The following MARCHF7 variants were observed in gnomAD, a reference collection of about 807,000 sequenced individuals.
MARCHF7 encodes membrane associated ring-CH-type finger 7.
Under a neutral mutation model 76.5 loss-of-function variants are expected in MARCHF7, and 20 were observed. The ratio of observed to expected loss-of-function variants is 0.26; its 90% confidence interval spans 0.18 to 0.38. MARCHF7 has a LOEUF of 0.38. Ranked by LOEUF, MARCHF7 falls within the 10% of genes least tolerant of loss-of-function variation. The pLI is 1.00. For synonymous variants in MARCHF7, 295 were observed against 293.0 expected, an observed-to-expected ratio of 1.01 and a Z score of -0.07; for missense variants, 797 against 812.9, an observed-to-expected ratio of 0.98 and a Z score of 0.24.
Position 159,748,145 on chromosome 2 carries a change from C to T in MARCHF7, c.855C>T (p.Arg285=). ...GRRTTRRLLS[R]IASSMSSTFF... is the part of the protein sequence containing the mutation. ...GGACAACGAGGAGATTGCTGTCACG[C>T]ATAGCTTCTAGCATGTCATCTACTT... is the stretch of plus-strand genomic sequence containing the variant. The change falls in exon 7 of 12, where the codon CGC becomes CGT. Residue 285 remains arginine, a synonymous_variant. Transcript: ENST00000409175. 6.2e-7 allele frequency: 1 copy of T among 1,613,780 alleles called. No homozygotes were observed. The highest frequency in any genetic ancestry group is 8.5e-7 in the Non-Finnish European group (1 of 1,179,896).
intron 3 of MARCHF7, among the ~76,000 whole-genome samples, 192 bp from the exon 4 acceptor site, chr2:159,728,817 A>G (rs1312746001): frequency 3.9e-5 from 6 of 152,210 alleles, no homozygotes; most frequent in Admixed American, 6.5e-5. Flanking sequence ...GCTTCCTTTT[A>G]TGGACGATAG....
chr2:159,719,748 G>A (rs1471732823), intron 3 of MARCHF7, among the ~76,000 whole-genome samples: 1 of 152,022 alleles, frequency 6.6e-6, no homozygotes, highest in East Asian at 1.9e-4. Flanking sequence ...GTAATGGGGT[G>A]ATTTTTTTTC....
At chr2:159,750,285 G>A (rs1037735355) in intron 7 of MARCHF7, among the ~76,000 whole-genome samples, 2 of 152,184 alleles carry the variant, frequency 1.3e-5, no homozygotes, top group African/African-American at 4.8e-5. Flanking sequence ...CCAGCACTTT[G>A]GGAGGCCAAG....
At chr2:159,762,819 A>G in intron 9 of MARCHF7, 61 bp from the exon 10 acceptor site, 2 of 982,764 alleles carry the variant, frequency 2.0e-6, no homozygotes, top group Middle Eastern at 2.1e-4. Context: ...TATCAATCTC[A>G]ATTCTACTAA....
chr2:159,742,936 CAAAA>C (rs67868976), intron 4 of MARCHF7, 121 bp from the exon 5 acceptor site: 288,705 of 764,716 alleles, frequency 0.38, 52,353 homozygotes, highest in South Asian at 0.47. Flanking sequence ...GACTCAGTCT[CAAAA>C]AAAAAAAAGA....
At chr2:159,733,605 A>C (rs550017140) in intron 4 of MARCHF7, 71 of 985,206 alleles carry the variant, frequency 7.2e-5, no homozygotes, top group Non-Finnish European at 6.0e-6. Context: ...TTGGAGACAT[A>C]AAACTTCTGT....
chr2:159,718,027 T>C (rs1255427697), intron 3 of MARCHF7, among the ~76,000 whole-genome samples: 1 of 152,266 alleles, frequency 6.6e-6, no homozygotes, highest in Non-Finnish European at 1.5e-5. Context: ...AAAACCTTCA[T>C]GCTGATGGTA....
chr2:159,765,350 A>G (rs1250991632), intron 11 of MARCHF7, among the ~76,000 whole-genome samples: 1 of 152,044 alleles, frequency 6.6e-6, no homozygotes, highest in Admixed American at 6.6e-5. Flanking sequence ...TCAAATCTCT[A>G]CAGGCATCTA....
chr2:159,737,735 C>G (rs1703630242), intron 4 of MARCHF7, among the ~76,000 whole-genome samples: 1 of 152,170 alleles, frequency 6.6e-6, no homozygotes, highest in South Asian at 2.1e-4. Context: ...CCACAGTCAC[C>G]TGTGATTGCA....
Position 159,729,175 on chromosome 2 carries a change from G to A in MARCHF7, c.153G>A (p.Gln51=), listed in dbSNP as rs767283787. ...DSSFRLDSEY[Q]STSASASASP... Reference sequence around the variant, plus strand: ...CATTTAGATTGGATTCTGAATATCAGGTAACATTTTTATTTGGAATATATG... The same window carrying A: ...CATTTAGATTGGATTCTGAATATCAAGTAACATTTTTATTTGGAATATATG... Residue 51 remains glutamine, a splice_region_variant and synonymous_variant, in exon 4 of 12, where the codon CAG becomes CAA. Coordinates refer to ENST00000409175, the MANE Select transcript of MARCHF7 (RefSeq NM_001282805.2). 6.3e-7 allele frequency: 1 copy of A among 1,587,540 alleles called. No homozygotes were observed. The highest frequency in any genetic ancestry group is 1.9e-5 in the Admixed American group (1 of 53,898).
chr2:159,721,654 A>G (rs1048099479), intron 3 of MARCHF7, among the ~76,000 whole-genome samples: 1 of 152,188 alleles, frequency 6.6e-6, no homozygotes, highest in African/African-American at 2.4e-5. Context: ...TACACACTCA[A>G]TACCAGTTCT....
intron 8 of MARCHF7, among the ~76,000 whole-genome samples, chr2:159,753,596 C>T (rs1441746627): frequency 6.6e-6 from 1 of 151,506 alleles, no homozygotes; most frequent in South Asian, 2.1e-4. Flanking sequence ...GAAGTTAGTT[C>T]GTGCAAGACT....
Position 159,748,573 on chromosome 2 carries a change from C to T in MARCHF7, c.1283C>T (p.Ser428Leu). The T allele has an allele frequency of 6.2e-7, 1 of 1,614,166 alleles. No individual in the cohort carries two copies. Among genetic ancestry groups the T allele is most frequent in the Non-Finnish European group, 8.5e-7 (1 of 1,180,036 alleles). Residue 428 changes from serine to leucine, a missense_variant, in exon 7 of 12, where the codon TCA (serine) becomes TTA (leucine). Transcript: ENST00000409175. ...SSRSHIFRRESNEVVHLEAQN... is the reference protein window; with the variant it reads ...SSRSHIFRRELNEVVHLEAQN... ...AGATCTCATATTTTTAGAAGAGAAT[C>T]AAATGAAGTGGTTCACCTTGAAGCA...
At chr2:159,729,252 A>C in intron 4 of MARCHF7, 77 bp downstream of exon 4, 1 of 1,077,498 alleles carries the variant, frequency 9.3e-7, no homozygotes, top group East Asian at 2.8e-5. Flanking sequence ...GGTATTTAAA[A>C]AATGTGTTAG....
chr2:159,721,725 A>T (rs902040513), intron 3 of MARCHF7, among the ~76,000 whole-genome samples: 2 of 152,186 alleles, frequency 1.3e-5, no homozygotes, highest in Non-Finnish European at 2.9e-5. Context: ...AGACTTGTTG[A>T]TGAGGAACAT....
At chr2:159,734,471 TAAAC>T (rs1435872118) in intron 4 of MARCHF7, among the ~76,000 whole-genome samples, 3 of 152,102 alleles carry the variant, frequency 2.0e-5, no homozygotes, top group African/African-American at 7.2e-5. Flanking sequence ...CATATACAAT[TAAAC>T]AAGAAAATGA....
chr2:159,764,612 TG>T lies in MARCHF7; in HGVS notation c.2008-13del. On this transcript the variant is annotated splice_polypyrimidine_tract_variant and intron_variant, in intron 10 of 11. Transcript: ENST00000409175. ...ACATTTAAACTACTGTATTTCTTTCTGCATTGTTTCTAGTTTATTAACCTTG... is the reference window on the plus strand; with the variant it reads ...ACATTTAAACTACTGTATTTCTTTCTCATTGTTTCTAGTTTATTAACCTTG... The T allele has an allele frequency of 6.3e-7, 1 of 1,584,556 alleles. No individual in the cohort carries two copies. Among genetic ancestry groups the T allele is most frequent in the Non-Finnish European group, 8.6e-7 (1 of 1,162,796 alleles).
intron 2 of MARCHF7, among the ~76,000 whole-genome samples, 175 bp downstream of exon 2, chr2:159,714,773 G>T (rs755817230): frequency 1.3e-5 from 2 of 152,078 alleles, no homozygotes; most frequent in African/African-American, 2.4e-5. Flanking sequence ...ATGGTGGTGC[G>T]GGTGTAGTGG....
chr2:159,765,775 G>T (rs796400293), intron 11 of MARCHF7, among the ~76,000 whole-genome samples: 33 of 152,234 alleles, frequency 2.2e-4, no homozygotes, highest in African/African-American at 7.5e-4. Context: ...ATGAAACCAG[G>T]TAACATATTT....
Sources: allele counts gnomAD v4.1 joint callset (sites outside exome capture counted in the v4.1 genomes callset), GRCh38; gene constraint gnomAD v4.1.1; transcripts MANE v1.5; gene names NCBI Gene and HGNC (gene_info 2026-07-23, HGNC 2026-07-21).